CASP1: variants seen among roughly 807,000 people sequenced by gnomAD.
The protein encoded by CASP1 is caspase-1.
CASP1 carries 31 observed loss-of-function variants against 41.2 expected under a neutral mutation model. The ratio of observed to expected loss-of-function variants is 0.75; its 90% CI spans 0.57 to 1.02. CASP1 has a LOEUF of 1.02. CASP1 is among the 50% of genes least tolerant of loss of function. CASP1 has a pLI of 0.00. For missense variants in CASP1, 490 were observed against 495.7 expected (o/e 0.99, Z 0.11); for synonymous variants, 163 against 166.5 (o/e 0.98, Z 0.16).
chr11:105,027,299 T>C, intron 7 of CASP1: 1 of 424,372 alleles, frequency 2.4e-6, no homozygotes, highest in Non-Finnish European at 4.2e-6. Context: ...TCAGTCTACA[T>C]GGGGTAATTA....
Position 105,034,311 on chromosome 11 carries a change from C to T in CASP1, c.171G>A (p.Leu57=). 1.2e-6 allele frequency: 2 copies of T among 1,614,114 alleles called. No homozygotes were observed. Among genetic ancestry groups the T allele is most frequent in the Non-Finnish European group, 1.7e-6 (2 of 1,179,992 alleles). ...CCCCTTTCGGAATAACGGAGTCAAT[C>T]AAAGCTCGGGTCTTATCCATAACTG... ...NATVMDKTRA[L]IDSVIPKGAQ... Residue 57 remains leucine, a synonymous_variant, in exon 2 of 9, where the codon TTG becomes TTA. Transcript: ENST00000533400.
In CASP1 at chr11:105,025,638, G is replaced by T; in HGVS notation, c.*620C>A. The T allele has an allele frequency of 2.6e-6, 1 of 384,032 alleles. No homozygotes were observed. Among genetic ancestry groups the T allele is most frequent in the Non-Finnish European group, 5.0e-6 (1 of 199,848 alleles). 23.8% of individuals were successfully genotyped at this position (384,032 alleles called of 1,614,324 possible). A position where few individuals can be genotyped will look rare whatever the true frequency, so the allele number is the denominator to read the frequency against. On this transcript the variant is annotated 3_prime_UTR_variant, in exon 9 of 9. Transcript: ENST00000533400. The stretch of plus-strand genomic sequence containing the variant: ...GAAATAATTAAAAAAAAAAACATAG[G>T]AAAGAATTTTGTTAAAGACATGCAA...
upstream of CASP1, among the ~76,000 whole-genome samples, chr11:105,035,589 C>T (rs2134873382): frequency 7.4e-6 from 1 of 134,898 alleles, no homozygotes; most frequent in East Asian, 2.1e-4. Flanking sequence ...TATTTAATGT[C>T]CTTCTTTTCA....
At chr11:105,036,459 C>T (rs937525769), upstream of CASP1, among the ~76,000 whole-genome samples, 1 of 152,098 alleles carries the variant, frequency 6.6e-6, no homozygotes, top group African/African-American at 2.4e-5. Flanking sequence ...TGTAATAATC[C>T]TCATGTGTTA....
At chr11:105,032,417 G>T (rs534655170) in intron 3 of CASP1, among the ~76,000 whole-genome samples, 2 of 152,202 alleles carry the variant, frequency 1.3e-5, no homozygotes, top group East Asian at 3.9e-4. Context: ...AAATATTCAT[G>T]ATACCCAACC....
intron 1 of CASP1, 32 bp from the exon 2 acceptor site, chr11:105,034,506 G>A (rs1330991320): frequency 1.9e-6 from 3 of 1,611,974 alleles, no homozygotes; most frequent in South Asian, 2.2e-5. Flanking sequence ...CTCACATCAT[G>A]AAAACAGCCT....
At position 105,035,135 on chromosome 11, in the gene CASP1, T is replaced by A; in HGVS notation, c.-22A>T. The A allele has an allele frequency of 6.2e-7, 1 of 1,613,972 alleles. No homozygotes were observed. Among genetic ancestry groups the A allele is most frequent in the Non-Finnish European group, 8.5e-7 (1 of 1,179,888 alleles). ...CCATGGCTTTTCTCTCCTCCCTTCT[T>A]GTGTGACTGAAACTGAAAGTATGCT... On this transcript the variant is annotated 5_prime_UTR_variant, in exon 1 of 9. Transcript: ENST00000533400.
chr11:105,026,713 C>T (rs1232624992), intron 8 of CASP1, 129 bp downstream of exon 8: 2 of 649,234 alleles, frequency 3.1e-6, no homozygotes, highest in Non-Finnish European at 5.5e-6. Context: ...CCAAAGAACT[C>T]CAAAACTCTT....
rs186737339 is a variant in CASP1, at chr11:105,031,421, A to G, written c.338-141T>C. On this transcript the variant is annotated intron_variant, in intron 3 of 8. Transcript: ENST00000533400. Reference sequence around the variant, plus strand: ...CAATCCTGATCTACATCATTAACACAGCTGAGTGAGTTTGCTCCTAATGGA... The same window carrying G: ...CAATCCTGATCTACATCATTAACACGGCTGAGTGAGTTTGCTCCTAATGGA... 108 of 516,138 alleles carry G rather than the reference A, an allele frequency of 2.1e-4. No homozygotes were observed. In the East Asian group the frequency reaches 3.2e-3, roughly 15 times the overall value. 32.0% of individuals were successfully genotyped at this position (516,138 alleles called of 1,614,324 possible).
rs1863259511 is a variant in CASP1, at chr11:105,026,096, T to G, written c.*162A>C. The G allele has an allele frequency of 1.8e-6, 1 of 542,224 alleles. No individual in the cohort carries two copies. The highest frequency in any genetic ancestry group is 1.9e-5 in the African/African-American group (1 of 52,476). The allele number at this position is 542,224 out of a possible 1,614,324, so 33.6% of individuals were successfully genotyped here. A position where few individuals can be genotyped will look rare whatever the true frequency, so the allele number is the denominator to read the frequency against. ...ATGTGGGCGCTCACACAGTGTTGGA[T>G]TTTAGAGCATTTCAAAATTCAAATT... is the stretch of plus-strand genomic sequence containing the variant. On this transcript the variant is annotated 3_prime_UTR_variant, in exon 9 of 9. Transcript: ENST00000533400.
chr11:105,033,378 G>A (rs1421794634), intron 2 of CASP1, among the ~76,000 whole-genome samples: 2 of 152,166 alleles, frequency 1.3e-5, no homozygotes, highest in Admixed American at 1.3e-4. Context: ...GCTTAGACAG[G>A]CATAAGCTTT....
At chr11:105,034,100 C>A in intron 2 of CASP1, 108 bp downstream of exon 2, 2 of 1,587,178 alleles carry the variant, frequency 1.3e-6, no homozygotes, top group Non-Finnish European at 1.7e-6. Flanking sequence ...GGCCCTGAAG[C>A]CAGAAATAAG....
chr11:105,035,331 G>C, upstream of CASP1: 1 of 596,244 alleles, frequency 1.7e-6, no homozygotes. Flanking sequence ...AGGGTAGGAG[G>C]GGAATGGGGC....
chr11:105,031,784 C>T (rs1863715420), intron 3 of CASP1, among the ~76,000 whole-genome samples: 1 of 151,926 alleles, frequency 6.6e-6, no homozygotes, highest in East Asian at 1.9e-4. Context: ...GAATCTTTGT[C>T]CTGTCCTTCA....
In CASP1 at chr11:105,033,137, A is replaced by T; in HGVS notation, c.275-11T>A. ...TTCCAGATGTTTGATCTATGAAAAG[A>T]TAAAGGGTATTGAAGTAGTCACTTA... On this transcript the variant is annotated splice_polypyrimidine_tract_variant and intron_variant, in intron 2 of 8. Transcript: ENST00000533400. 4 of 1,514,306 alleles carry T rather than the reference A, an allele frequency of 2.6e-6. No individual in the cohort carries two copies. Among genetic ancestry groups the T allele is most frequent in the Non-Finnish European group, 3.7e-6 (4 of 1,093,292 alleles). The allele number at this position is 1,514,306 out of a possible 1,614,324, so 93.8% of individuals were successfully genotyped here.
chr11:105,033,945 A>G (rs1863856415), intron 2 of CASP1: 1 of 752,040 alleles, frequency 1.3e-6, no homozygotes, highest in African/African-American at 1.7e-5. Flanking sequence ...AGCTTTTCAG[A>G]TGGTTCTCAA....
intron 1 of CASP1, 37 bp from the exon 2 acceptor site, chr11:105,034,511 C>G (rs371354897): frequency 6.2e-7 from 1 of 1,611,530 alleles, no homozygotes; most frequent in Non-Finnish European, 8.5e-7. Flanking sequence ...ATCATGAAAA[C>G]AGCCTCATAT....
At chr11:105,029,931 A>T in intron 5 of CASP1, 32 bp from the exon 6 acceptor site, 1 of 1,444,790 alleles carries the variant, frequency 6.9e-7, no homozygotes, top group Admixed American at 1.7e-5. Context: ...ATTTTCGACT[A>T]TGTAATTAAC....
upstream of CASP1, chr11:105,035,307 C>T: frequency 2.9e-6 from 2 of 697,624 alleles, no homozygotes; most frequent in South Asian, 3.6e-5. Flanking sequence ...TCTTCACCAG[C>T]CCTTGGATAG....
Sources: allele counts gnomAD v4.1 joint callset (sites outside exome capture counted in the v4.1 genomes callset), GRCh38; gene constraint gnomAD v4.1.1; transcripts MANE v1.5; gene names NCBI Gene and HGNC (gene_info 2026-07-23, HGNC 2026-07-21).